EPB41L4B: variants seen among roughly 807,000 people sequenced by gnomAD.
EPB41L4B encodes the protein band 4.1-like protein 4B.
EPB41L4B carries 30 observed loss-of-function variants against 112.5 expected under a neutral mutation model. That is an observed-to-expected ratio of 0.27 (90% CI 0.20 to 0.36). The LOEUF (loss-of-function observed/expected upper bound fraction) is 0.36. EPB41L4B is among the 10% of genes least tolerant of loss of function. EPB41L4B has a pLI of 1.00. For missense variants in EPB41L4B, 1,024 were observed against 1,133.3 expected, an observed-to-expected ratio of 0.90 and a Z score of 1.38; for synonymous variants, 408 against 439.7, an observed-to-expected ratio of 0.93 and a Z score of 0.90.
chr9:109,279,285 G>A (rs116689946), intron 2 of EPB41L4B, among the ~76,000 whole-genome samples: 2 of 150,806 alleles, frequency 1.3e-5, no homozygotes, highest in Admixed American at 1.3e-4. Context: ...AGGATCGATT[G>A]AGCTCACTGC....
chr9:109,264,689 C>A (rs77123622), intron 5 of EPB41L4B, among the ~76,000 whole-genome samples: 1 of 152,232 alleles, frequency 6.6e-6, no homozygotes, highest in East Asian at 1.9e-4. Context: ...CTTGCAAATA[C>A]GACAAAAGCC....
chr9:109,304,937 A>G (rs1024200983), intron 1 of EPB41L4B, among the ~76,000 whole-genome samples: 10 of 152,254 alleles, frequency 6.6e-5, no homozygotes, highest in Admixed American at 4.6e-4. Flanking sequence ...GGGTGATGAC[A>G]ATATTCCAGA....
At chr9:109,211,517 C>A (rs1726875370) in intron 17 of EPB41L4B, among the ~76,000 whole-genome samples, 1 of 150,610 alleles carries the variant, frequency 6.6e-6, no homozygotes, top group Admixed American at 6.6e-5. Flanking sequence ...ATTGCTTGAA[C>A]CCGGGAGGTG....
intron 14 of EPB41L4B, 76 bp from the exon 15 acceptor site, chr9:109,243,758 T>C (rs1355881148): frequency 6.9e-7 from 1 of 1,459,324 alleles, no homozygotes; most frequent in Non-Finnish European, 9.6e-7. Flanking sequence ...TGTCTGTTCC[T>C]GGCATCCACC....
chr9:109,288,840 G>A (rs1334085620), intron 1 of EPB41L4B, among the ~76,000 whole-genome samples: 1 of 150,432 alleles, frequency 6.6e-6, no homozygotes, highest in Non-Finnish European at 1.5e-5. Context: ...GGTTGAGGCT[G>A]CAGTCAGCTG....
intron 18 of EPB41L4B, among the ~76,000 whole-genome samples, chr9:109,207,465 G>A (rs762755824): frequency 7.2e-5 from 11 of 152,066 alleles, no homozygotes; most frequent in East Asian, 1.9e-4. Context: ...CCAGCTACTC[G>A]GGAGGCTGAG....
chr9:109,266,545 G>C (rs1370519695), intron 4 of EPB41L4B, among the ~76,000 whole-genome samples: 1 of 152,150 alleles, frequency 6.6e-6, no homozygotes, highest in Non-Finnish European at 1.5e-5. Flanking sequence ...AGCAGGAAAA[G>C]GCTTTGTAGA....
chr9:109,181,783 A>T (rs1194142222), intron 24 of EPB41L4B, among the ~76,000 whole-genome samples: 1 of 152,236 alleles, frequency 6.6e-6, no homozygotes, highest in African/African-American at 2.4e-5. Flanking sequence ...GTTCAAACAG[A>T]TACATGTACA....
intron 13 of EPB41L4B, among the ~76,000 whole-genome samples, chr9:109,249,336 AG>A (rs544624702): frequency 1.1e-3 from 163 of 152,116 alleles, no homozygotes; most frequent in African/African-American, 3.5e-3. Flanking sequence ...CTATTTTTCT[AG>A]TAGTACCTCT....
intron 15 of EPB41L4B, chr9:109,240,906 G>C (rs947152562): frequency 1.0e-6 from 1 of 985,320 alleles, no homozygotes; most frequent in African/African-American, 1.7e-5. Flanking sequence ...CAGCAAATTC[G>C]ATCAAAACAA....
chr9:109,227,768 G>A (rs1833832250), intron 15 of EPB41L4B, among the ~76,000 whole-genome samples: 1 of 152,118 alleles, frequency 6.6e-6, no homozygotes, highest in South Asian at 2.1e-4. Flanking sequence ...TTTTAGTAGA[G>A]ACAGGGTTTC....
chr9:109,272,900 G>A (rs1219786942), intron 2 of EPB41L4B, among the ~76,000 whole-genome samples: 3 of 152,124 alleles, frequency 2.0e-5, no homozygotes, highest in African/African-American at 7.2e-5. Context: ...CTAAGGCTGG[G>A]GTGTGGGAGG....
At chr9:109,290,782 A>ACC (rs200836092) in intron 1 of EPB41L4B, among the ~76,000 whole-genome samples, 1 of 142,796 alleles carries the variant, frequency 7.0e-6, no homozygotes, top group Non-Finnish European at 1.5e-5. Context: ...ACACACACAC[A>ACC]CCCCCCACCA....
At chr9:109,249,346 C>G (rs1227392229) in intron 13 of EPB41L4B, among the ~76,000 whole-genome samples, 1 of 152,032 alleles carries the variant, frequency 6.6e-6, no homozygotes, top group Non-Finnish European at 1.5e-5. Flanking sequence ...AGTAGTACCT[C>G]TGGAGCCCAG....
In EPB41L4B at chr9:109,207,937, C is replaced by T. The variant is rs201515999; in HGVS notation, c.1865G>A (p.Arg622Gln). Residue 622 changes from arginine to glutamine, a missense_variant, in exon 18 of 26, where the codon CGA becomes CAA. By Grantham distance (43) the Arg-to-Gln change is conservative. Transcript: ENST00000374566. ...CATTCTGCGCACCTGGATGTTCACTCGGGAAGCATTTTCCAACTGGGCTTT... is the reference window on the plus strand; with the variant it reads ...CATTCTGCGCACCTGGATGTTCACTTGGGAAGCATTTTCCAACTGGGCTTT... The part of the protein sequence containing the change: ...ILKAQLENAS[R>Q]VNIQGGKEES... 5 of 1,614,138 alleles carry T rather than the reference C, an allele frequency of 3.1e-6. No individual in the cohort carries two copies. Among genetic ancestry groups the T allele is most frequent in the East Asian group, 4.5e-5 (2 of 44,886 alleles).
Position 109,279,837 on chromosome 9 carries a change from G to C in EPB41L4B, c.391C>G (p.Leu131Val). ...VETDYFGLQF[L>V]DSAQVAHWLD... ...CCTACCGCAACCTGGGCAGAGTCGA[G>C]GAACTGGAGGCCAAAGTAATCTGTT... is the stretch of plus-strand genomic sequence containing the variant. The change falls in exon 2 of 26, where the codon CTC becomes GTC. Residue 131 changes from leucine (L) to valine (V), a missense_variant. Coordinates refer to ENST00000374566, the MANE Select transcript of EPB41L4B (RefSeq NM_019114.5). 1 of 1,614,082 alleles carries C rather than the reference G, an allele frequency of 6.2e-7. No homozygotes were observed. Among genetic ancestry groups the C allele is most frequent in the Non-Finnish European group, 8.5e-7 (1 of 1,179,978 alleles).
chr9:109,275,640 C>T lies in EPB41L4B; in HGVS notation c.411+4177G>A, dbSNP rs946630668. ...GCTACAAAGAGGAGACCCATATCCA[C>T]GTCCCAGGTTACAAAAACTTTTCTC... On this transcript the variant is annotated intron_variant, in intron 2 of 25. Transcript: ENST00000374566. 7.9e-5 allele frequency among the ~76,000 whole-genome samples: 12 copies of T among 152,204 alleles called. No homozygotes were observed. The East Asian group carries it at 9.6e-4, about 12-fold the overall frequency.
intron 21 of EPB41L4B, among the ~76,000 whole-genome samples, chr9:109,192,791 G>A (rs761314073): frequency 6.6e-6 from 1 of 152,194 alleles, no homozygotes; most frequent in Non-Finnish European, 1.5e-5. Context: ...TGTGGATTAT[G>A]TTGCTTGCTT....
At chr9:109,241,904 G>A (rs1399576651) in intron 15 of EPB41L4B, 16 of 1,282,536 alleles carry the variant, frequency 1.2e-5, no homozygotes, top group Non-Finnish European at 1.8e-5. Flanking sequence ...ATGGGGCAGG[G>A]GGAACCATGA....
Sources: allele counts gnomAD v4.1 joint callset (sites outside exome capture counted in the v4.1 genomes callset), GRCh38; gene constraint gnomAD v4.1.1; transcripts MANE v1.5; gene names NCBI Gene and HGNC (gene_info 2026-07-23, HGNC 2026-07-21).